The following SLC6A17 variants were observed in gnomAD, a reference collection of about 807,000 sequenced individuals.
The protein encoded by SLC6A17 is sodium-dependent neutral amino acid transporter SLC6A17.
Under a neutral mutation model 64.5 loss-of-function variants are expected in SLC6A17, and 21 were observed. The observed-to-expected ratio is 0.33, with a 90% confidence interval of 0.23 to 0.47. The LOEUF (loss-of-function observed/expected upper bound fraction) is 0.47. Ranked by LOEUF, SLC6A17 falls within the 20% of genes least tolerant of loss-of-function variation. The pLI is 1.00. For missense variants in SLC6A17, 682 were observed against 963.2 expected, an observed-to-expected ratio of 0.71 and a Z score of 3.86; for synonymous variants, 372 against 399.5, an observed-to-expected ratio of 0.93 and a Z score of 0.82.
intron 1 of SLC6A17, among the ~76,000 whole-genome samples, chr1:110,165,687 G>A (rs1048323767): frequency 2.6e-5 from 4 of 152,356 alleles, no homozygotes; most frequent in Non-Finnish European, 4.4e-5. Flanking sequence ...CAGGAAGGAC[G>A]GGCCTGGCCC....
At chr1:110,184,401 A>G (rs138082241) in intron 6 of SLC6A17, among the ~76,000 whole-genome samples, 176 of 152,336 alleles carry the variant, frequency 1.2e-3, no homozygotes, top group African/African-American at 4.1e-3. Flanking sequence ...CACTGCGCGC[A>G]GCCCAGAAGC....
rs900464689 is a variant in SLC6A17, at chr1:110,172,392, T to G, written c.444+175T>G. 3.8e-6 allele frequency: 3 copies of G among 799,194 alleles called. No individual in the cohort carries two copies. In the African/African-American group the frequency reaches 5.2e-5, roughly 14 times the overall value. 49.5% of individuals were successfully genotyped at this position (799,194 alleles called of 1,614,324 possible). ...GGGTTCCAGGACCCCAGTCACCATG[T>G]TTCCTAAACTGAGAGTCGACCACGT... On this transcript the variant is annotated intron_variant, in intron 3 of 11. Coordinates refer to ENST00000331565, the MANE Select transcript of SLC6A17 (RefSeq NM_001010898.4).
rs981134016 is a variant in SLC6A17, at chr1:110,198,708, A to G, written c.*264A>G. The G allele has an allele frequency of 8.5e-6, 4 of 470,634 alleles. No individual in the cohort carries two copies. Among genetic ancestry groups the G allele is most frequent in the African/African-American group, 3.9e-5 (2 of 51,320 alleles). 29.2% of individuals were successfully genotyped at this position (470,634 alleles called of 1,614,324 possible). On this transcript the variant is annotated 3_prime_UTR_variant, in exon 12 of 12. Coordinates refer to ENST00000331565, the MANE Select transcript of SLC6A17 (RefSeq NM_001010898.4). ...AGCCTCCGCCAAATTGTAGCCATGT[A>G]ATTGGAACAACCCATAAGGCCTGCT...
chr1:110,182,470 CAGAG>C (rs539487999), intron 6 of SLC6A17, among the ~76,000 whole-genome samples: 3 of 151,540 alleles, frequency 2.0e-5, no homozygotes, highest in South Asian at 2.1e-4. Context: ...TGCGGGATAA[CAGAG>C]AGAATTTAAA....
rs201360643 is a variant in SLC6A17 at position 110,173,953 on chromosome 1, C to T, written c.445-20C>T. The T allele has an allele frequency of 4.0e-5, 64 of 1,611,734 alleles. No homozygotes were observed. Among genetic ancestry groups the T allele is most frequent in the African/African-American group, 2.0e-4 (15 of 74,886 alleles). On this transcript the variant is annotated intron_variant, in intron 3 of 11. Transcript: ENST00000331565. Reference sequence around the variant, plus strand: ...GAGTTGCCTGCAGCCTCAGTGACCCCGCAGTGGGCTTGTCCCCAGGTCTGT... The same window carrying T: ...GAGTTGCCTGCAGCCTCAGTGACCCTGCAGTGGGCTTGTCCCCAGGTCTGT...
In SLC6A17 at chr1:110,198,183, C is replaced by G. The variant is rs372087169; in HGVS notation, c.1923C>G (p.Phe641Leu). The G allele has an allele frequency of 6.2e-7, 1 of 1,614,136 alleles. No individual in the cohort carries two copies. Among genetic ancestry groups the G allele is most frequent in the East Asian group, 2.2e-5 (1 of 44,886 alleles). The stretch of plus-strand genomic sequence containing the variant: ...CTGTGGTGTTCGTCCTGCGGCACTT[C>G]CACCTGCTCTCTGATGGCTCCAACA... Reference protein sequence around the residue: ...PIPVVFVLRHFHLLSDGSNTL... With the variant: ...PIPVVFVLRHLHLLSDGSNTL... Residue 641 changes from phenylalanine (F) to leucine (L), a missense_variant, in exon 12 of 12, where the codon TTC (phenylalanine) becomes TTG (leucine). Physicochemically the swap from Phe to Leu is conservative, Grantham distance 22. Transcript: ENST00000331565.
rs766891808 is a variant in SLC6A17, at chr1:110,174,073, C to G, written c.545C>G (p.Pro182Arg). The G allele has an allele frequency of 1.2e-5, 20 of 1,614,006 alleles. No homozygotes were observed. The Admixed American group carries it at 3.3e-4, about 27-fold the overall frequency. ...TACCCGCTGCCCTGGAGTGAATGTC[C>G]TGTCGTCAGGAATGGGAGCGTGGCA... ...FQYPLPWSEC[P>R]VVRNGSVAVV... is the part of the protein sequence containing the mutation. The change falls in exon 4 of 12, where the codon CCT (proline) becomes CGT (arginine). Residue 182 changes from proline to arginine, a missense_variant. By Grantham distance (103) the Pro-to-Arg change is moderately radical. Coordinates refer to ENST00000331565, the MANE Select transcript of SLC6A17 (RefSeq NM_001010898.4).
intron 2 of SLC6A17, among the ~76,000 whole-genome samples, chr1:110,169,221 G>A (rs954094061): frequency 2.0e-5 from 3 of 152,118 alleles, no homozygotes; most frequent in Non-Finnish European, 1.5e-5. Context: ...TTAGCTCCAC[G>A]AAATGTTGAC....
chr1:110,171,841 C>T (rs556075402), intron 2 of SLC6A17, among the ~76,000 whole-genome samples: 24 of 152,186 alleles, frequency 1.6e-4, no homozygotes, highest in African/African-American at 5.8e-4. Flanking sequence ...CTTAGTGTTT[C>T]GGGTCAGGGG....
intron 1 of SLC6A17, among the ~76,000 whole-genome samples, chr1:110,163,927 G>A (rs935688534): frequency 4.6e-5 from 7 of 151,980 alleles, no homozygotes; most frequent in Non-Finnish European, 7.4e-5. Context: ...CCCGCATCCA[G>A]CATAAAAGAG....
intron 10 of SLC6A17, 48 bp from the exon 11 acceptor site, chr1:110,197,389 G>A (rs1156457040): frequency 6.4e-7 from 1 of 1,568,172 alleles, no homozygotes; most frequent in Admixed American, 1.8e-5. Flanking sequence ...GAAGAGGGAG[G>A]TGTGACTGAG....
chr1:110,166,219 A>C (rs975338162), intron 1 of SLC6A17: 1 of 152,078 alleles, frequency 6.6e-6, no homozygotes, highest in South Asian at 2.1e-4. Context: ...CAACCAGTCC[A>C]GCTAGGGGAA....
chr1:110,192,170 C>T lies in SLC6A17; in HGVS notation c.1063C>T (p.Leu355=). ...VLATLVVFAV[L]GFKANIMNEK... ...GGCCACCCTCGTGGTGTTTGCTGTG[C>T]TGGGCTTCAAGGCCAACATCATGAA... is the stretch of plus-strand genomic sequence containing the variant. The change falls in exon 7 of 12, where the codon CTG becomes TTG. Residue 355 remains leucine, a synonymous_variant. Transcript: ENST00000331565. This position sits in a 1 kb window ranked among gnomAD's most constrained non-coding sequence, Gnocchi z 4.3. 1 of 1,614,066 alleles carries T rather than the reference C, an allele frequency of 6.2e-7. No individual in the cohort carries two copies. Among genetic ancestry groups the T allele is most frequent in the Non-Finnish European group, 8.5e-7 (1 of 1,179,926 alleles).
Position 110,198,796 on chromosome 1 carries a change from T to C in SLC6A17, c.*352T>C, listed in dbSNP as rs555136834. The C allele has an allele frequency of 4.6e-6, 1 of 219,310 alleles. No individual in the cohort carries two copies. The highest frequency in any genetic ancestry group is 9.7e-5 in the South Asian group (1 of 10,344). 13.6% of individuals were successfully genotyped at this position (219,310 alleles called of 1,614,324 possible). On this transcript the variant is annotated 3_prime_UTR_variant, in exon 12 of 12. Transcript: ENST00000331565. Reference sequence around the variant, plus strand: ...AGTCACTCACCTCCCTCTCTCCCTGTAACTTGCCACCTGCAGTTCTTAGGG... The same window carrying C: ...AGTCACTCACCTCCCTCTCTCCCTGCAACTTGCCACCTGCAGTTCTTAGGG...
At chr1:110,162,035 G>A (rs1318833542) in intron 1 of SLC6A17, among the ~76,000 whole-genome samples, 1 of 152,248 alleles carries the variant, frequency 6.6e-6, no homozygotes, top group Non-Finnish European at 1.5e-5. Flanking sequence ...CACCTCTGTT[G>A]CTAAGTGACA....
At chr1:110,167,274 T>TA in intron 2 of SLC6A17, 59 bp downstream of exon 2, 1 of 1,550,674 alleles carries the variant, frequency 6.4e-7, no homozygotes, top group Middle Eastern at 1.8e-4. Flanking sequence ...GGATGAGGGG[T>TA]AAAAAAGAAC....
intron 1 of SLC6A17, among the ~76,000 whole-genome samples, chr1:110,164,654 G>C (rs964945242): frequency 6.6e-6 from 1 of 152,236 alleles, no homozygotes; most frequent in Non-Finnish European, 1.5e-5. Flanking sequence ...ATCTTGGGAA[G>C]AAGGAGGAAG....
At chr1:110,167,289 C>G in intron 2 of SLC6A17, 74 bp downstream of exon 2, 2 of 1,522,860 alleles carry the variant, frequency 1.3e-6, no homozygotes, top group Non-Finnish European at 1.8e-6. Flanking sequence ...AAGAACACCC[C>G]TTTGCTGAGG....
In SLC6A17 at chr1:110,170,376, C is replaced by T. The variant is rs1024092605; in HGVS notation, c.287-1684C>T. Among the ~76,000 whole-genome samples the T allele has an allele frequency of 5.9e-5, 9 of 152,114 alleles. No individual in the cohort carries two copies. The South Asian group carries it at 8.3e-4, about 14-fold the overall frequency. ...GCGGGCGCCTGTAGACCCAGCTACT[C>T]GAGAGGCTGAGGCAGGAGAATGGTG... On this transcript the variant is annotated intron_variant, in intron 2 of 11. Transcript: ENST00000331565.
Sources: gnomAD v4.1 joint callset for allele counts (sites outside exome capture counted in the v4.1 genomes callset) on GRCh38, gnomAD v4.1.1 for gene constraint, Gnocchi (gnomAD v3.1) non-coding constraint, MANE v1.5 for transcripts, NCBI Gene and HGNC (gene_info 2026-07-23, HGNC 2026-07-21) for gene names.